Variants in MRPS22 observed in about 807,000 individuals in gnomAD.
MRPS22 encodes the protein small ribosomal subunit protein mS22.
A neutral mutation model predicts 44.0 loss-of-function variants in MRPS22; 30 were observed. The ratio of observed to expected loss-of-function variants is 0.68; its 90% CI spans 0.51 to 0.93. The LOEUF (loss-of-function observed/expected upper bound fraction) is 0.93. Among genes scored for constraint, MRPS22 ranks in the 40% least tolerant of loss-of-function variants. The probability of loss-of-function intolerance (pLI) is 0.00; values close to 1 mark genes in which losing one functional copy is unlikely to be tolerated. For synonymous variants in MRPS22, 165 were observed against 154.4 expected, an observed-to-expected ratio of 1.07 and a Z score of -0.51; for missense variants, 447 against 447.8, an observed-to-expected ratio of 1.00 and a Z score of 0.02.
At chr3:139,355,826 G>GGTAATTGA (rs1178301819) in intron 7 of MRPS22, 36 bp downstream of exon 7, 1 of 1,511,094 alleles carries the variant, frequency 6.6e-7, no homozygotes, top group Non-Finnish European at 9.2e-7. Context: ...GTTTTGTGGT[G>GGTAATTGA]GTAATTGAGC....
intron 2 of MRPS22, among the ~76,000 whole-genome samples, chr3:139,347,765 AGAT>A (rs1283716431): frequency 6.6e-6 from 1 of 152,160 alleles, no homozygotes; most frequent in East Asian, 1.9e-4. Flanking sequence ...TGTAAAATGG[AGAT>A]GATAACAATT....
intron 3 of MRPS22, among the ~76,000 whole-genome samples, chr3:139,348,799 A>C (rs531305343): frequency 1.3e-5 from 2 of 152,248 alleles, no homozygotes; most frequent in Non-Finnish European, 2.9e-5. Flanking sequence ...TAAGAATGAC[A>C]GATGTTTCTC....
chr3:139,353,426 C>T (rs1420700129), intron 6 of MRPS22, among the ~76,000 whole-genome samples: 2 of 152,150 alleles, frequency 1.3e-5, no homozygotes, highest in African/African-American at 4.8e-5. Context: ...GCCAAAATGA[C>T]AAGGAAGCAG....
rs1360979714 is a variant in MRPS22 at position 139,352,860 on chromosome 3, A to G, written c.878+68A>G. On this transcript the variant is annotated intron_variant, in intron 6 of 7. Transcript: ENST00000680020. ...CTAACAGTTCATCTGTATTTAGGCT[A>G]TGGTATTTTTCCAGTGATAACAGTG... 5.2e-6 allele frequency: 8 copies of G among 1,536,484 alleles called. No individual in the cohort carries two copies. The African/African-American group carries it at 6.8e-5, about 13-fold the overall frequency.
At chr3:139,355,316 CT>C (rs1339878019) in intron 6 of MRPS22, among the ~76,000 whole-genome samples, 1 of 152,154 alleles carries the variant, frequency 6.6e-6, no homozygotes, top group East Asian at 1.9e-4. Context: ...TTGGATTAGA[CT>C]ATTACATGCT....
intron 5 of MRPS22, chr3:139,351,778 A>G: frequency 6.4e-6 from 1 of 155,042 alleles, no homozygotes; most frequent in Admixed American, 6.3e-5. Flanking sequence ...TGGTTTGCTT[A>G]TATATGCCAT....
chr3:139,344,148 C>T lies in MRPS22; in HGVS notation c.122C>T (p.Pro41Leu), dbSNP rs767429811. The T allele has an allele frequency of 8.1e-6, 13 of 1,613,442 alleles. No individual in the cohort carries two copies. In the Admixed American group the frequency reaches 8.3e-5, roughly 10 times the overall value. The change falls in exon 1 of 8, where the codon CCT (proline) becomes CTT (leucine). Residue 41 changes from proline to leucine, a missense_variant. Transcript: ENST00000680020. ...CACGGTGGCCTGCTCCAACCGCTAC[C>T]TTGCTCTTTCGAGATGGGGCTGCCA... ...PWHGGLLQPLPCSFEMGLPRR... is the reference protein window; with the variant it reads ...PWHGGLLQPLLCSFEMGLPRR...
intron 1 of MRPS22, among the ~76,000 whole-genome samples, chr3:139,345,170 A>G (rs1353871995): frequency 6.6e-6 from 1 of 152,174 alleles, no homozygotes; most frequent in Non-Finnish European, 1.5e-5. Context: ...TGAGAGACAT[A>G]GTGTAGGTAA....
rs1341637538 is a variant in MRPS22 at position 139,352,729 on chromosome 3, T to G, written c.815T>G (p.Val272Gly). 1.2e-6 allele frequency: 2 copies of G among 1,613,422 alleles called. No individual in the cohort carries two copies. The highest frequency in any genetic ancestry group is 8.5e-7 in the Non-Finnish European group (1 of 1,179,438). ...LRSTRYFGGM[V>G]WYFVNNKKID... Reference sequence around the variant, plus strand: ...TCAACAAGATACTTTGGTGGAATGGTGTGGTATTTTGTAAATAATAAAAAG... The same window carrying G: ...TCAACAAGATACTTTGGTGGAATGGGGTGGTATTTTGTAAATAATAAAAAG... Residue 272 changes from valine to glycine, a missense_variant, in exon 6 of 8, where the codon GTG becomes GGG. Val to Gly is a moderately radical substitution (Grantham distance 109, BLOSUM62 -3). Transcript: ENST00000680020.
At chr3:139,352,121 T>C (rs1378914723) in intron 5 of MRPS22, 1 of 156,490 alleles carries the variant, frequency 6.4e-6, no homozygotes, top group East Asian at 1.9e-4. Context: ...TTATTTCCAG[T>C]GGTCTCTATA....
chr3:139,345,555 A>G (rs1305247003), intron 1 of MRPS22, among the ~76,000 whole-genome samples: 1 of 148,418 alleles, frequency 6.7e-6, no homozygotes, highest in African/African-American at 2.5e-5. Flanking sequence ...CTCAGTCAGT[A>G]TTGGCATGTA....
intron 5 of MRPS22, chr3:139,352,346 T>A: frequency 3.5e-6 from 1 of 285,310 alleles, no homozygotes; most frequent in Non-Finnish European, 6.7e-6. Flanking sequence ...TTAAAAAATT[T>A]TCCTAGAGAT....
rs1395733349 is a variant in MRPS22, at chr3:139,357,059, TTC to T, written c.*49_*50del. On this transcript the variant is annotated 3_prime_UTR_variant, in exon 8 of 8. Transcript: ENST00000680020. ...TTATTTTACTAAATACTGACTACAT[TTC>T]TCTGTTAATATTGAGCTAAATGTTA... The T allele has an allele frequency of 2.0e-5, 29 of 1,419,958 alleles. No individual in the cohort carries two copies. Among genetic ancestry groups the T allele is most frequent in the Non-Finnish European group, 2.5e-5 (25 of 1,016,270 alleles). 88.0% of individuals were successfully genotyped at this position (1,419,958 alleles called of 1,614,324 possible). A position where few individuals can be genotyped will look rare whatever the true frequency, so the allele number is the denominator to read the frequency against.
At chr3:139,350,110 CT>C in intron 3 of MRPS22, 68 bp from the exon 4 acceptor site, 1 of 1,565,124 alleles carries the variant, frequency 6.4e-7, no homozygotes, top group East Asian at 2.2e-5. Context: ...TTATAATGGC[CT>C]TAGTGGGACA....
At chr3:139,345,681 T>A (rs1233583850) in intron 1 of MRPS22, among the ~76,000 whole-genome samples, 2 of 152,118 alleles carry the variant, frequency 1.3e-5, no homozygotes, top group African/African-American at 4.8e-5. Context: ...TCAGGGAGAA[T>A]TTAGGAATGG....
chr3:139,348,182 C>G lies in MRPS22; in HGVS notation c.362C>G (p.Ala121Gly). The part of the protein sequence containing the change: ...LEEATRQAVE[A>G]AKVRLKMPPV... ...TAGGCTACAAGACAGGCAGTTGAGGCAGCTAAAGTACGATTAAAAATGCCA... is the reference window on the plus strand; with the variant it reads ...TAGGCTACAAGACAGGCAGTTGAGGGAGCTAAAGTACGATTAAAAATGCCA... The change falls in exon 3 of 8, where the codon GCA becomes GGA. Residue 121 changes from alanine to glycine, a missense_variant. By Grantham distance (60) the Ala-to-Gly change is moderately conservative. Coordinates refer to ENST00000680020, the MANE Select transcript of MRPS22 (RefSeq NM_020191.4). 6.2e-7 allele frequency: 1 copy of G among 1,614,052 alleles called. No homozygotes were observed.
At chr3:139,347,139 A>G in intron 2 of MRPS22, 95 bp downstream of exon 2, 1 of 1,383,730 alleles carries the variant, frequency 7.2e-7, no homozygotes, top group Non-Finnish European at 1.0e-6. Flanking sequence ...CTATTCTTCC[A>G]TAGGCACTAG....
chr3:139,350,845 T>C (rs1240301197), intron 4 of MRPS22, 132 bp from the exon 5 acceptor site: 6 of 756,672 alleles, frequency 7.9e-6, no homozygotes, highest in African/African-American at 1.7e-5. Flanking sequence ...TTACAAAGCC[T>C]GTGTTCTTTC....
At chr3:139,348,570 G>A (rs972336982) in intron 3 of MRPS22, 4 of 497,250 alleles carry the variant, frequency 8.0e-6, no homozygotes, top group African/African-American at 1.9e-5. Context: ...TGCTGAGGCA[G>A]AACAAGGAGT....
Sources: allele counts gnomAD v4.1 joint callset (sites outside exome capture counted in the v4.1 genomes callset), GRCh38; gene constraint gnomAD v4.1.1; transcripts MANE v1.5; gene names NCBI Gene and HGNC (gene_info 2026-07-23, HGNC 2026-07-21).